ARHGAP6: variants seen among roughly 807,000 people sequenced by gnomAD.
The protein encoded by ARHGAP6 is Rho GTPase activating protein 6.
In ARHGAP6, 16 loss-of-function variants were observed where a neutral mutation model predicts 55.7. That is an observed-to-expected ratio of 0.29 (90% CI 0.19 to 0.44). The LOEUF is 0.44. ARHGAP6 is among the 20% of genes least tolerant of loss of function. The probability of loss-of-function intolerance (pLI) is 1.00; values close to 1 mark genes in which losing one functional copy is unlikely to be tolerated. For synonymous variants in ARHGAP6, 382 were observed against 360.9 expected (o/e 1.06, Z -0.66); for missense variants, 698 against 808.9 (o/e 0.86, Z 1.66).
chrX:11,229,173 G>A (rs952600288), intron 2 of ARHGAP6, among the ~76,000 whole-genome samples: 2 of 112,019 alleles, frequency 1.8e-5, no homozygotes, highest in Admixed American at 9.5e-5. Flanking sequence ...AGGTTAAAGA[G>A]ACAATTCCAA....
intron 1 of ARHGAP6, among the ~76,000 whole-genome samples, chrX:11,575,709 G>C (rs1418353968): frequency 1.8e-5 from 2 of 112,148 alleles, no homozygotes; most frequent in Non-Finnish European, 1.9e-5. Context: ...AGATGGGAGA[G>C]AATTTGGCAA....
intron 1 of ARHGAP6, among the ~76,000 whole-genome samples, chrX:11,478,447 A>G (rs910872685): frequency 8.9e-6 from 1 of 112,192 alleles, no homozygotes; most frequent in Non-Finnish European, 1.9e-5. Flanking sequence ...ATACAGTATT[A>G]TTCCATTTAT....
intron 3 of ARHGAP6, among the ~76,000 whole-genome samples, chrX:11,192,513 A>G (rs1047870395): frequency 8.9e-6 from 1 of 111,918 alleles, no homozygotes; most frequent in Non-Finnish European, 1.9e-5. Flanking sequence ...CAATGACAAC[A>G]TTCAATATAT....
intron 1 of ARHGAP6, among the ~76,000 whole-genome samples, chrX:11,535,846 G>A (rs749881253): frequency 2.2e-4 from 25 of 112,076 alleles, no homozygotes; most frequent in Non-Finnish European, 4.3e-4. Flanking sequence ...TCCCATTGTT[G>A]CTCTGCAGAT....
At chrX:11,346,352 CTGTAT>C (rs1569308627) in intron 1 of ARHGAP6, among the ~76,000 whole-genome samples, 1 of 111,631 alleles carries the variant, frequency 9.0e-6, no homozygotes, top group African/African-American at 3.3e-5. Context: ...GTGACAAAAT[CTGTAT>C]AGCCTCAAAA....
At chrX:11,266,779 A>G (rs761160012) in intron 1 of ARHGAP6, among the ~76,000 whole-genome samples, 178 of 112,088 alleles carry the variant, frequency 1.6e-3, no homozygotes, top group African/African-American at 5.5e-3. Context: ...GTGAATTCCA[A>G]CAAAAGAATC....
At chrX:11,257,676 C>T (rs1035328333) in intron 1 of ARHGAP6, among the ~76,000 whole-genome samples, 2 of 111,849 alleles carry the variant, frequency 1.8e-5, no homozygotes, top group Non-Finnish European at 3.8e-5. Context: ...AGGCTTGGGA[C>T]TATTAAGATG....
At chrX:11,197,203 T>C (rs1240079963) in intron 2 of ARHGAP6, among the ~76,000 whole-genome samples, 1 of 112,076 alleles carries the variant, frequency 8.9e-6, no homozygotes, top group Non-Finnish European at 1.9e-5. Flanking sequence ...TTCTTGAATT[T>C]CCTTTCAGTC....
intron 1 of ARHGAP6, among the ~76,000 whole-genome samples, chrX:11,613,697 T>G (rs2052129808): frequency 1.8e-5 from 2 of 112,242 alleles, no homozygotes; most frequent in South Asian, 3.7e-4. Context: ...AATCCCATCA[T>G]TCTTCTGGCA....
chrX:11,160,493 C>T (rs1303335525), intron 9 of ARHGAP6, among the ~76,000 whole-genome samples: 2 of 109,602 alleles, frequency 1.8e-5, no homozygotes, highest in African/African-American at 6.7e-5. Context: ...AGCACTAATC[C>T]ATTCTTGGAT....
intron 2 of ARHGAP6, among the ~76,000 whole-genome samples, chrX:11,215,201 G>A (rs1249989361): frequency 1.8e-5 from 2 of 113,006 alleles, no homozygotes; most frequent in Non-Finnish European, 3.8e-5. Flanking sequence ...ATCCAGGCGG[G>A]CGAGTAGCAG....
At chrX:11,479,167 A>G (rs2050431606) in intron 1 of ARHGAP6, among the ~76,000 whole-genome samples, 1 of 112,289 alleles carries the variant, frequency 8.9e-6, no homozygotes, top group East Asian at 2.8e-4. Context: ...TCTGACTTAC[A>G]GGGTCCTGAG....
chrX:11,609,792 G>A (rs1468645307), intron 1 of ARHGAP6, among the ~76,000 whole-genome samples: 1 of 111,825 alleles, frequency 8.9e-6, no homozygotes, highest in African/African-American at 3.3e-5. Context: ...TTCATAACAG[G>A]GACTCAACAA....
intron 2 of ARHGAP6, among the ~76,000 whole-genome samples, chrX:11,231,696 A>T (rs2047132551): frequency 1.8e-5 from 2 of 112,357 alleles, no homozygotes; most frequent in African/African-American, 6.5e-5. Flanking sequence ...CTGTGCATAC[A>T]CCTGATTTAT....
rs1040861134 is a variant in ARHGAP6, at chrX:11,139,071, G to C, written c.2717C>G (p.Thr906Arg). ...TGCTTGGCCTCCCTGGTCCGTGGGT[G>C]TCTCCACGCCTTCCGGGGGCCCCTG... is the stretch of plus-strand genomic sequence containing the variant. The part of the protein sequence containing the change: ...WIQGPPEGVE[T>R]PTDQGGQAAE... The change falls in exon 13 of 13, where the codon ACA becomes AGA. Residue 906 changes from threonine (T) to arginine (R), a missense_variant. Coordinates refer to ENST00000337414, the MANE Select transcript of ARHGAP6 (RefSeq NM_013427.3). The C allele has an allele frequency of 8.3e-7, 1 of 1,203,416 alleles. No homozygotes were observed. Among genetic ancestry groups the C allele is most frequent in the Non-Finnish European group, 1.1e-6 (1 of 891,957 alleles).
intron 1 of ARHGAP6, among the ~76,000 whole-genome samples, chrX:11,333,988 T>C (rs1483839234): frequency 3.6e-5 from 4 of 111,328 alleles, no homozygotes; most frequent in African/African-American, 9.8e-5. Context: ...GATAAAAAGA[T>C]GGGGGAGAGT....
intron 2 of ARHGAP6, among the ~76,000 whole-genome samples, chrX:11,237,991 T>C (rs2047225583): frequency 8.9e-6 from 1 of 111,739 alleles, no homozygotes; most frequent in Non-Finnish European, 1.9e-5. Flanking sequence ...CCCACCACTG[T>C]TGTGACCACA....
At chrX:11,590,273 C>A (rs998199929) in intron 1 of ARHGAP6, among the ~76,000 whole-genome samples, 1 of 111,352 alleles carries the variant, frequency 9.0e-6, no homozygotes, top group Non-Finnish European at 1.9e-5. Context: ...CTTTGTATCT[C>A]CCTTTTTTAT....
At chrX:11,552,575 T>TATATATAC (rs1256578602) in intron 1 of ARHGAP6, among the ~76,000 whole-genome samples, 38 of 58,750 alleles carry the variant, frequency 6.5e-4, no homozygotes, top group Non-Finnish European at 9.7e-4. Flanking sequence ...TATATATATA[T>TATATATAC]ATATATATAT....
Sources: gnomAD v4.1 joint callset for allele counts (sites outside exome capture counted in the v4.1 genomes callset) on GRCh38, gnomAD v4.1.1 for gene constraint, MANE v1.5 for transcripts, NCBI Gene and HGNC (gene_info 2026-07-23, HGNC 2026-07-21) for gene names.